The following FOXP2 variants were observed in gnomAD, a reference collection of about 807,000 sequenced individuals.
FOXP2 encodes forkhead box protein P2.
In FOXP2, 12 loss-of-function variants were observed where a neutral mutation model predicts 115.8. That is an observed-to-expected ratio of 0.10 (90% CI 0.07 to 0.17). The LOEUF (loss-of-function observed/expected upper bound fraction) is 0.17. Among genes scored for constraint, FOXP2 ranks in the 10% least tolerant of loss-of-function variants. The pLI, the probability that FOXP2 is intolerant of heterozygous loss-of-function variation, is 1.00. For synonymous variants in FOXP2, 328 were observed against 297.7 expected (o/e 1.10, Z -1.05); for missense variants, 629 against 843.5 (o/e 0.75, Z 3.15).
intron 1 of FOXP2, among the ~76,000 whole-genome samples, chr7:114,116,412 A>G (rs1791409757): frequency 6.6e-6 from 1 of 152,198 alleles, no homozygotes. Context: ...CAAGCACAAA[A>G]TAATAATAAA....
chr7:114,167,451 G>A (rs1376861995), intron 1 of FOXP2, among the ~76,000 whole-genome samples: 4 of 152,144 alleles, frequency 2.6e-5, no homozygotes, highest in Admixed American at 1.3e-4. Flanking sequence ...GCAACCCTGA[G>A]TTGAGCAAGT....
At position 114,346,328 on chromosome 7, in the gene FOXP2, A is replaced by G. The variant is rs148608509; in HGVS notation, c.-11+58219A>G. 5.3e-3 allele frequency among the ~76,000 whole-genome samples: 811 copies of G among 152,022 alleles called. 2 individuals carry two copies. The highest frequency in any genetic ancestry group is 0.014 in the African/African-American group (579 of 41,538). On this transcript the variant is annotated intron_variant, in intron 2 of 17. Transcript: ENST00000634411. ...TATTGCAGTGCTATTTGCAATAGCC[A>G]TGATATAGAATCAACCTAAGTATCC...
chr7:114,497,694 TAAATAAATAAATA>T (rs1234339064), intron 2 of FOXP2, among the ~76,000 whole-genome samples: 4 of 149,540 alleles, frequency 2.7e-5, no homozygotes, highest in African/African-American at 7.5e-5. Flanking sequence ...AATAAATAAA[TAAATAAATAAATA>T]AAAGTTGCAT....
chr7:114,382,861 T>C (rs1792342382), intron 2 of FOXP2, among the ~76,000 whole-genome samples: 1 of 152,212 alleles, frequency 6.6e-6, no homozygotes, highest in Non-Finnish European at 1.5e-5. Flanking sequence ...ATTTTCTTCC[T>C]TTCCCTGTGT....
intron 1 of FOXP2, among the ~76,000 whole-genome samples, chr7:114,272,353 T>A (rs1796085922): frequency 6.6e-6 from 1 of 151,656 alleles, no homozygotes; most frequent in Non-Finnish European, 1.5e-5. Context: ...TCTTTTCTTG[T>A]AATATCTTTG....
At chr7:114,557,243 T>C (rs949171209) in intron 3 of FOXP2, among the ~76,000 whole-genome samples, 2 of 152,214 alleles carry the variant, frequency 1.3e-5, no homozygotes, top group Non-Finnish European at 2.9e-5. Context: ...GATTGGAAGC[T>C]GGTTTAATAT....
chr7:114,251,186 T>C (rs527403055), intron 1 of FOXP2, among the ~76,000 whole-genome samples: 5,901 of 152,248 alleles, frequency 0.039, 155 homozygotes, highest in Middle Eastern at 0.088. Flanking sequence ...ACCATGCTGT[T>C]TTGGTTACTG....
At chr7:114,313,430 G>A (rs1005240629) in intron 2 of FOXP2, among the ~76,000 whole-genome samples, 4 of 152,168 alleles carry the variant, frequency 2.6e-5, no homozygotes, top group African/African-American at 9.7e-5. Context: ...TTACTAAATT[G>A]TTAATCTATT....
chr7:114,310,238 C>G (rs1007408770), intron 2 of FOXP2, among the ~76,000 whole-genome samples: 4 of 152,180 alleles, frequency 2.6e-5, no homozygotes, highest in Non-Finnish European at 5.9e-5. Context: ...GAGTTAGCAG[C>G]TTTACCTTGA....
intron 2 of FOXP2, among the ~76,000 whole-genome samples, chr7:114,532,175 A>G (rs1398743095): frequency 6.6e-6 from 1 of 151,976 alleles, no homozygotes; most frequent in Non-Finnish European, 1.5e-5. Context: ...TCAGGATGTT[A>G]CAAAAGTTTA....
chr7:114,584,710 A>C (rs1342068325), intron 3 of FOXP2, among the ~76,000 whole-genome samples: 2 of 152,138 alleles, frequency 1.3e-5, no homozygotes, highest in African/African-American at 4.8e-5. Context: ...TGCCCACTCA[A>C]GTCTCTCCTT....
At chr7:114,495,437 G>A (rs1337208094) in intron 2 of FOXP2, among the ~76,000 whole-genome samples, 1 of 142,542 alleles carries the variant, frequency 7.0e-6, no homozygotes, top group Non-Finnish European at 1.5e-5. Flanking sequence ...AGCAACTTTG[G>A]TACATTTTTA....
At chr7:114,500,282 A>G (rs532160181) in intron 2 of FOXP2, among the ~76,000 whole-genome samples, 10 of 151,884 alleles carry the variant, frequency 6.6e-5, no homozygotes, top group Admixed American at 3.9e-4. Flanking sequence ...AGAAACTGAA[A>G]CTTATAGTGG....
chr7:114,523,865 T>C (rs1203970989), intron 2 of FOXP2, among the ~76,000 whole-genome samples: 2 of 152,164 alleles, frequency 1.3e-5, no homozygotes, highest in South Asian at 4.1e-4. Context: ...ATTACTCTTA[T>C]GAGGACTAAA....
At chr7:114,403,108 A>ATT (rs2129197049) in intron 2 of FOXP2, among the ~76,000 whole-genome samples, 1 of 152,324 alleles carries the variant, frequency 6.6e-6, no homozygotes, top group South Asian at 2.1e-4. Context: ...TAAGTTATGT[A>ATT]GTCTGTATAT....
At chr7:114,293,692 G>A (rs1268482306) in intron 2 of FOXP2, among the ~76,000 whole-genome samples, 5 of 152,112 alleles carry the variant, frequency 3.3e-5, no homozygotes, top group Non-Finnish European at 7.3e-5. Flanking sequence ...TGTATGGGGG[G>A]CTTCCCCCTT....
At chr7:114,126,196 G>A (rs1791703372) in intron 1 of FOXP2, among the ~76,000 whole-genome samples, 1 of 129,252 alleles carries the variant, frequency 7.7e-6, no homozygotes, top group Non-Finnish European at 1.6e-5. Flanking sequence ...TTGGGCTTCA[G>A]GAAAAAAATT....
At chr7:114,348,945 T>G (rs888056343) in intron 2 of FOXP2, among the ~76,000 whole-genome samples, 3 of 152,056 alleles carry the variant, frequency 2.0e-5, no homozygotes, top group African/African-American at 7.2e-5. Context: ...AATGGGCTCA[T>G]GATGGATTCC....
chr7:114,634,247 C>T (rs903812850), intron 6 of FOXP2, among the ~76,000 whole-genome samples: 5 of 152,248 alleles, frequency 3.3e-5, no homozygotes, highest in Admixed American at 1.3e-4. Context: ...CCGCCTGCCT[C>T]GGCCTCCCAA....
Sources: gnomAD v4.1 joint callset for allele counts (sites outside exome capture counted in the v4.1 genomes callset) on GRCh38, gnomAD v4.1.1 for gene constraint, MANE v1.5 for transcripts, NCBI Gene and HGNC (gene_info 2026-07-23, HGNC 2026-07-21) for gene names.